PDE6D: variants seen among roughly 807,000 people sequenced by gnomAD.
PDE6D encodes phosphodiesterase 6D.
PDE6D carries 10 observed loss-of-function variants against 21.9 expected under a neutral mutation model. The ratio of observed to expected loss-of-function variants is 0.46; its 90% confidence interval spans 0.28 to 0.78. The LOEUF (loss-of-function observed/expected upper bound fraction) is 0.78. Ranked by LOEUF, PDE6D falls within the 30% of genes least tolerant of loss-of-function variation. The pLI is 0.12. For synonymous variants in PDE6D, 59 were observed against 63.5 expected (o/e 0.93, Z 0.34); for missense variants, 139 against 184.8 (o/e 0.75, Z 1.44).
intron 2 of PDE6D, 87 bp from the exon 3 acceptor site, chr2:231,738,225 C>G (rs2048719486): frequency 7.8e-7 from 1 of 1,277,122 alleles, no homozygotes; most frequent in African/African-American, 1.5e-5. Context: ...CTTCTTACAG[C>G]TGATTTAGAG....
chr2:231,751,122 C>CTTCT (rs2048836626), intron 1 of PDE6D, among the ~76,000 whole-genome samples: 1 of 68,266 alleles, frequency 1.5e-5, no homozygotes, highest in Non-Finnish European at 3.1e-5. Context: ...CTATTCTAGT[C>CTTCT]TTTTTTTTTT....
chr2:231,775,196 GAA>G (rs1419143289), intron 1 of PDE6D, among the ~76,000 whole-genome samples: 2 of 152,102 alleles, frequency 1.3e-5, no homozygotes, highest in African/African-American at 4.8e-5. Context: ...TTACAGGCGT[GAA>G]CCACTGTGCC....
chr2:231,749,302 A>C (rs763756254), intron 1 of PDE6D, among the ~76,000 whole-genome samples: 1 of 152,026 alleles, frequency 6.6e-6, no homozygotes, highest in African/African-American at 2.4e-5. Context: ...GGAGCCTTAA[A>C]ATTTGACTGC....
chr2:231,741,486 T>A (rs2048749564), intron 1 of PDE6D, among the ~76,000 whole-genome samples: 1 of 152,028 alleles, frequency 6.6e-6, no homozygotes, highest in Non-Finnish European at 1.5e-5. Context: ...GTCCCCTGAG[T>A]GACAGTGAAG....
At chr2:231,757,383 C>T (rs838451) in intron 1 of PDE6D, among the ~76,000 whole-genome samples, 4 of 152,212 alleles carry the variant, frequency 2.6e-5, no homozygotes, top group South Asian at 2.1e-4. Context: ...CTGCAACCTC[C>T]GCCTCCCAGG....
intron 4 of PDE6D, among the ~76,000 whole-genome samples, chr2:231,735,145 G>C (rs182692102): frequency 1.3e-5 from 2 of 148,800 alleles, no homozygotes; most frequent in African/African-American, 4.9e-5. Flanking sequence ...GGAAGGCTGA[G>C]GCAGGAGAAA....
At chr2:231,740,862 C>T (rs1468699528) in intron 1 of PDE6D, among the ~76,000 whole-genome samples, 1 of 150,890 alleles carries the variant, frequency 6.6e-6, no homozygotes, top group African/African-American at 2.4e-5. Flanking sequence ...GTGTCTAGGC[C>T]AGGAGCGATG....
intron 1 of PDE6D, among the ~76,000 whole-genome samples, chr2:231,742,533 A>G (rs2048758895): frequency 6.6e-6 from 1 of 152,178 alleles, no homozygotes; most frequent in Non-Finnish European, 1.5e-5. Context: ...CAATTGACAA[A>G]CCATTAAAGG....
chr2:231,771,021 G>A (rs1481778014), intron 1 of PDE6D, among the ~76,000 whole-genome samples: 1 of 151,390 alleles, frequency 6.6e-6, no homozygotes, highest in African/African-American at 2.4e-5. Context: ...AGTTATCTGA[G>A]AGGCTGAGGT....
At chr2:231,738,919 C>CAAAAAAAAAAAAAAAAAAAAAAAAAAA in intron 2 of PDE6D, among the ~76,000 whole-genome samples, 181 bp downstream of exon 2, 1 of 62,648 alleles carries the variant, frequency 1.6e-5, no homozygotes, top group Non-Finnish European at 2.8e-5. Context: ...GACTGTGTCT[C>CAAAAAAAAAAAAAAAAAAAAAAAAAAA]AAAAAAAAAA....
intron 1 of PDE6D, among the ~76,000 whole-genome samples, chr2:231,750,846 T>C (rs1159118910): frequency 6.6e-6 from 1 of 152,034 alleles, no homozygotes; most frequent in Non-Finnish European, 1.5e-5. Context: ...ACTGCAAAGA[T>C]GACAGAATGC....
intron 1 of PDE6D, among the ~76,000 whole-genome samples, chr2:231,773,155 C>A (rs2049028539): frequency 6.6e-6 from 1 of 152,040 alleles, no homozygotes. Context: ...GGCAGAGGAT[C>A]ATCTGAGCCT....
At chr2:231,774,974 G>A (rs2049043471) in intron 1 of PDE6D, among the ~76,000 whole-genome samples, 1 of 151,388 alleles carries the variant, frequency 6.6e-6, no homozygotes, top group Non-Finnish European at 1.5e-5. Context: ...GTGCAGTGGT[G>A]TGATCTCAGC....
At chr2:231,746,129 T>C (rs1479012224) in intron 1 of PDE6D, among the ~76,000 whole-genome samples, 1 of 152,170 alleles carries the variant, frequency 6.6e-6, no homozygotes, top group African/African-American at 2.4e-5. Context: ...TATTTTATTT[T>C]TTAATTTTTA....
intron 1 of PDE6D, among the ~76,000 whole-genome samples, chr2:231,764,281 G>T (rs1429869325): frequency 6.6e-6 from 1 of 152,072 alleles, no homozygotes; most frequent in Non-Finnish European, 1.5e-5. Context: ...GCTACATGTG[G>T]TGGTGTGTGC....
At chr2:231,754,501 C>T (rs187071208) in intron 1 of PDE6D, among the ~76,000 whole-genome samples, 315 of 151,000 alleles carry the variant, frequency 2.1e-3, no homozygotes, top group African/African-American at 7.3e-3. Context: ...GGGTTACAGG[C>T]GCCCACCACC....
In PDE6D at chr2:231,781,250, G is replaced by C; in HGVS notation, c.-136C>G. 2.7e-6 allele frequency: 2 copies of C among 743,516 alleles called. No homozygotes were observed. The highest frequency in any genetic ancestry group is 3.3e-5 in the South Asian group (2 of 60,526). The allele number at this position is 743,516 out of a possible 1,614,324, so 46.1% of individuals were successfully genotyped here. A position where few individuals can be genotyped will look rare whatever the true frequency, so the allele number is the denominator to read the frequency against. Reference sequence around the variant, plus strand: ...CAGCCGCAGCGGCCAGACCAGGACCGGCCTCTCTCTCCCCTCAGCTCCCGC... The same window carrying C: ...CAGCCGCAGCGGCCAGACCAGGACCCGCCTCTCTCTCCCCTCAGCTCCCGC... On this transcript the variant is annotated 5_prime_UTR_variant, in exon 1 of 5. Transcript: ENST00000287600.
At chr2:231,745,827 T>C (rs1049361531) in intron 1 of PDE6D, among the ~76,000 whole-genome samples, 2 of 152,104 alleles carry the variant, frequency 1.3e-5, no homozygotes, top group Non-Finnish European at 2.9e-5. Flanking sequence ...TGGTGTGATT[T>C]AGGTGCAGTC....
chr2:231,759,712 A>C (rs1359147887), intron 1 of PDE6D, among the ~76,000 whole-genome samples: 2 of 152,196 alleles, frequency 1.3e-5, no homozygotes, highest in African/African-American at 2.4e-5. Flanking sequence ...GGACATGAAG[A>C]GACCCCAGGA....
Sources: gnomAD v4.1 joint callset for allele counts (sites outside exome capture counted in the v4.1 genomes callset) on GRCh38, gnomAD v4.1.1 for gene constraint, MANE v1.5 for transcripts, NCBI Gene and HGNC (gene_info 2026-07-23, HGNC 2026-07-21) for gene names.